Variants in ESRRA observed in about 807,000 individuals in gnomAD.
The protein encoded by ESRRA is estrogen related receptor alpha.
A neutral mutation model predicts 35.6 loss-of-function variants in ESRRA; 7 were observed. The ratio of observed to expected loss-of-function variants is 0.20; its 90% CI spans 0.11 to 0.37. ESRRA has a LOEUF of 0.37. ESRRA is among the 10% of genes least tolerant of loss of function. The pLI is 1.00. For missense variants in ESRRA, 378 were observed against 561.7 expected (o/e 0.67, Z 3.31); for synonymous variants, 223 against 246.9 (o/e 0.90, Z 0.91).
chr11:64,314,793 G>C lies in ESRRA; in HGVS notation c.624G>C (p.Lys208Asn). The C allele has an allele frequency of 3.1e-6, 5 of 1,612,378 alleles. No individual in the cohort carries two copies. Among genetic ancestry groups the C allele is most frequent in the Non-Finnish European group, 4.2e-6 (5 of 1,180,030 alleles). The change falls in exon 5 of 7, where the codon AAG becomes AAC. Residue 208 changes from lysine to asparagine, a missense_variant. Coordinates refer to ENST00000000442, the MANE Select transcript of ESRRA (RefSeq NM_004451.5). ...VSHLLVVEPEKLYAMPDPAGP... is the reference protein window; with the variant it reads ...VSHLLVVEPENLYAMPDPAGP... ...ATCTGCTGGTGGTTGAGCCTGAGAA[G>C]CTCTATGCCATGCCTGACCCCGCAG...
At chr11:64,306,655 A>G (rs1177575998) in intron 1 of ESRRA, 1 of 153,078 alleles carries the variant, frequency 6.5e-6, no homozygotes, top group African/African-American at 2.4e-5. Context: ...CTCAGCAGAG[A>G]GCGAGCCTGC....
chr11:64,307,143 C>A, intron 1 of ESRRA, 25 bp from the exon 2 acceptor site: 1 of 1,520,192 alleles, frequency 6.6e-7, no homozygotes, highest in Non-Finnish European at 8.9e-7. Flanking sequence ...TGCTTTCCTG[C>A]GAACCTATGG....
In ESRRA at chr11:64,307,350, G is replaced by A. The variant is rs756759935; in HGVS notation, c.171G>A (p.Glu57=). The A allele has an allele frequency of 3.7e-6, 6 of 1,611,796 alleles. No homozygotes were observed. The Admixed American group carries it at 1.0e-4, about 27-fold the overall frequency. ...LPGHKEEEDG[E]GAGPGEQGGG... is the part of the protein sequence containing the mutation. Reference sequence around the variant, plus strand: ...GCCACAAGGAAGAGGAGGATGGGGAGGGGGCTGGGCCTGGCGAGCAGGGCG... The same window carrying A: ...GCCACAAGGAAGAGGAGGATGGGGAAGGGGCTGGGCCTGGCGAGCAGGGCG... The change falls in exon 2 of 7, where the codon GAG becomes GAA. Residue 57 remains glutamate (E), a synonymous_variant. Coordinates refer to ENST00000000442, the MANE Select transcript of ESRRA (RefSeq NM_004451.5).
At position 64,309,081 on chromosome 11, in the gene ESRRA, A is replaced by C. The variant is rs1703059315; in HGVS notation, c.325+1577A>C. Among the ~76,000 whole-genome samples the C allele has an allele frequency of 3.3e-5, 5 of 151,918 alleles. No homozygotes were observed. The South Asian group carries it at 1.0e-3, about 32-fold the overall frequency. On this transcript the variant is annotated intron_variant, in intron 2 of 6. Transcript: ENST00000000442. The stretch of plus-strand genomic sequence containing the variant: ...AGCCCAGATCGCGCCATTGCACTCT[A>C]GCCTGCGCAACAAAAGTGAAACTCC...
In ESRRA at chr11:64,316,273, C is replaced by T. The variant is rs2135264477; in HGVS notation, c.*307C>T. The T allele has an allele frequency of 3.3e-6, 1 of 306,934 alleles. No homozygotes were observed. Among genetic ancestry groups the T allele is most frequent in the Middle Eastern group, 9.3e-4 (1 of 1,074 alleles). 19.0% of individuals were successfully genotyped at this position (306,934 alleles called of 1,614,324 possible). The stretch of plus-strand genomic sequence containing the variant: ...GCACGGGATGCGTGGGAGGCAGAAA[C>T]CTATCTCAGGGAGGGAAGGGGATGG... On this transcript the variant is annotated 3_prime_UTR_variant, in exon 7 of 7. Transcript: ENST00000000442.
intron 2 of ESRRA, among the ~76,000 whole-genome samples, chr11:64,307,837 T>C (rs1399501144): frequency 6.6e-6 from 1 of 152,142 alleles, no homozygotes; most frequent in Non-Finnish European, 1.5e-5. Flanking sequence ...CTCCCCAGCA[T>C]AGAACATGTC....
At chr11:64,310,432 C>T (rs763407725) in intron 2 of ESRRA, among the ~76,000 whole-genome samples, 3 of 150,600 alleles carry the variant, frequency 2.0e-5, no homozygotes, top group Non-Finnish European at 4.4e-5. Flanking sequence ...GACGGGGTTT[C>T]AGCGTGTTAG....
chr11:64,315,339 A>C, intron 6 of ESRRA, 69 bp downstream of exon 6: 1 of 1,469,696 alleles, frequency 6.8e-7, no homozygotes, highest in Admixed American at 2.5e-5. Context: ...CAGTGACGGT[A>C]GCACAGCCCC....
chr11:64,310,301 C>T (rs985562365), intron 2 of ESRRA, among the ~76,000 whole-genome samples: 15 of 147,280 alleles, frequency 1.0e-4, no homozygotes, highest in Non-Finnish European at 1.6e-4. Context: ...GTGGCACGAT[C>T]TCGGCTCACT....
intron 2 of ESRRA, among the ~76,000 whole-genome samples, chr11:64,311,816 C>T (rs541520592): frequency 9.9e-5 from 15 of 151,966 alleles, no homozygotes; most frequent in African/African-American, 3.6e-4. Flanking sequence ...CCTCAGCCTC[C>T]CGAGTAGCTG....
At position 64,314,988 on chromosome 11, in the gene ESRRA, C is replaced by T. The variant is rs747678107; in HGVS notation, c.743-13C>T. The T allele has an allele frequency of 5.7e-6, 9 of 1,586,902 alleles. No homozygotes were observed. The highest frequency in any genetic ancestry group is 4.5e-5 in the South Asian group (4 of 88,992). On this transcript the variant is annotated splice_polypyrimidine_tract_variant and intron_variant, in intron 5 of 6. Coordinates refer to ENST00000000442, the MANE Select transcript of ESRRA (RefSeq NM_004451.5). ...CGCTTGCTCAGCCAGGCCCGCTCCC[C>T]GCTGCCCCCTAGGCTTCTCATCGCT...
intron 2 of ESRRA, among the ~76,000 whole-genome samples, chr11:64,312,562 G>A (rs2035162724): frequency 6.6e-6 from 1 of 152,252 alleles, no homozygotes; most frequent in Admixed American, 6.5e-5. Flanking sequence ...GCCCTGTGAG[G>A]CCGGGAGGGC....
At chr11:64,311,962 C>A (rs1381928774) in intron 2 of ESRRA, among the ~76,000 whole-genome samples, 1 of 146,060 alleles carries the variant, frequency 6.8e-6, no homozygotes, top group East Asian at 2.1e-4. Context: ...GGATTATAGG[C>A]GTGAGCCACT....
At position 64,314,047 on chromosome 11, in the gene ESRRA, G is replaced by C. The variant is rs747062021; in HGVS notation, c.422G>C (p.Arg141Pro). Residue 141 changes from arginine (R) to proline (P), a missense_variant, in exon 3 of 7, where the codon CGG becomes CCG. Physicochemically the swap from Arg to Pro is moderately radical, Grantham distance 103. Transcript: ENST00000000442. ...CQACRFTKCL[R>P]VGMLKEGVRL... ...GCCTGCCGCTTCACCAAGTGCCTGCGGGTGGGCATGCTCAAGGAGGGTGAG... is the reference window on the plus strand; with the variant it reads ...GCCTGCCGCTTCACCAAGTGCCTGCCGGTGGGCATGCTCAAGGAGGGTGAG... The C allele has an allele frequency of 6.3e-7, 1 of 1,591,316 alleles. No homozygotes were observed.
chr11:64,310,581 T>C (rs1187918631), intron 2 of ESRRA, among the ~76,000 whole-genome samples: 1 of 135,686 alleles, frequency 7.4e-6, no homozygotes, highest in Non-Finnish European at 1.6e-5. Flanking sequence ...GTTTTGCTCT[T>C]GTTGTCCAGG....
In ESRRA at chr11:64,313,255, T is replaced by C. The variant is rs1200109085; in HGVS notation, c.326-696T>C. Among the ~76,000 whole-genome samples the C allele has an allele frequency of 6.6e-6, 1 of 152,156 alleles. No homozygotes were observed. The highest frequency in any genetic ancestry group is 1.5e-5 in the Non-Finnish European group (1 of 68,024). On this transcript the variant is annotated intron_variant, in intron 2 of 6. Transcript: ENST00000000442. The surrounding 1 kb of genome is among the most constrained non-coding windows in gnomAD (Gnocchi z 4.0). Reference sequence around the variant, plus strand: ...CCAGAGATTCTGCCTAGGTTTCTTCTTGGGCAAGTGAACACGTGGAGTCCA... The same window carrying C: ...CCAGAGATTCTGCCTAGGTTTCTTCCTGGGCAAGTGAACACGTGGAGTCCA...
chr11:64,312,313 T>A (rs1190294782), intron 2 of ESRRA, among the ~76,000 whole-genome samples: 1 of 152,080 alleles, frequency 6.6e-6, no homozygotes, highest in Non-Finnish European at 1.5e-5. Context: ...CTAATTTTTG[T>A]ACTTTTAGTA....
chr11:64,313,936 G>T lies in ESRRA; in HGVS notation c.326-15G>T. On this transcript the variant is annotated splice_polypyrimidine_tract_variant and intron_variant, in intron 2 of 6. Transcript: ENST00000000442. The surrounding 1 kb of genome is among the most constrained non-coding windows in gnomAD (Gnocchi z 4.0). ...CCCGGGAGGCCGCCACTGGAGCCCTGCCTCTTCCTGGCAGGGAGCATCGAG... is the reference window on the plus strand; with the variant it reads ...CCCGGGAGGCCGCCACTGGAGCCCTTCCTCTTCCTGGCAGGGAGCATCGAG... The T allele has an allele frequency of 6.5e-7, 1 of 1,549,734 alleles. No individual in the cohort carries two copies. Among genetic ancestry groups the T allele is most frequent in the Non-Finnish European group, 8.7e-7 (1 of 1,143,318 alleles).
In ESRRA at chr11:64,305,665, G is replaced by GT; in HGVS notation, c.-84_-83insT. On this transcript the variant is annotated 5_prime_UTR_variant, in exon 1 of 7. Transcript: ENST00000000442. The surrounding 1 kb of genome is among the most constrained non-coding windows in gnomAD (Gnocchi z 5.8). ...GGCGGCGGAGGAGGGGCCGCCCGCG[G>GT]CCCCCGGCTCACTCCGGCACTCCGG... is the stretch of plus-strand genomic sequence containing the variant. 1 of 149,290 alleles carries GT rather than the reference G, an allele frequency of 6.7e-6. No individual in the cohort carries two copies. Among genetic ancestry groups the GT allele is most frequent in the African/African-American group, 2.4e-5 (1 of 41,068 alleles). 9.2% of individuals were successfully genotyped at this position (149,290 alleles called of 1,614,324 possible).
Sources: allele counts gnomAD v4.1 joint callset (sites outside exome capture counted in the v4.1 genomes callset), GRCh38; gene constraint gnomAD v4.1.1; non-coding constraint Gnocchi (gnomAD v3.1); transcripts MANE v1.5; gene names NCBI Gene and HGNC (gene_info 2026-07-23, HGNC 2026-07-21).